The following SPART variants were observed in gnomAD, a reference collection of about 807,000 sequenced individuals.
SPART encodes spartin.
In SPART, 35 loss-of-function variants were observed where a neutral mutation model predicts 58.7. The ratio of observed to expected loss-of-function variants is 0.60; its 90% CI spans 0.46 to 0.79. The LOEUF is 0.79. SPART is among the 30% of genes least tolerant of loss of function. SPART has a pLI of 0.00. For synonymous variants in SPART, 284 were observed against 280.7 expected (o/e 1.01, Z -0.12); for missense variants, 730 against 786.1 (o/e 0.93, Z 0.85).
chr13:36,329,581 T>C, intron 3 of SPART, 64 bp from the exon 4 acceptor site: 1 of 1,498,162 alleles, frequency 6.7e-7, no homozygotes, highest in Admixed American at 1.7e-5. Context: ...TTCTGCCAGC[T>C]ATATTACACC....
At chr13:36,311,772 A>T (rs1566109638) in intron 8 of SPART, among the ~76,000 whole-genome samples, 1 of 152,190 alleles carries the variant, frequency 6.6e-6, no homozygotes, top group Non-Finnish European at 1.5e-5. Context: ...CTTGACCGTC[A>T]TGGGTTTTTA....
At chr13:36,368,072 T>G in intron 1 of SPART, 1 of 300,910 alleles carries the variant, frequency 3.3e-6, no homozygotes, top group Non-Finnish European at 6.8e-6. Context: ...TTGCCCCTAG[T>G]AAAATGATCA....
At chr13:36,365,551 C>T (rs3736919) in intron 1 of SPART, 233,733 of 452,150 alleles carry the variant, frequency 0.52, 63,046 homozygotes, top group East Asian at 0.81. Context: ...CTATAAACCG[C>T]CTATTGATAC....
At chr13:36,337,395 C>T (rs1174721049) in intron 1 of SPART, among the ~76,000 whole-genome samples, 2 of 152,060 alleles carry the variant, frequency 1.3e-5, no homozygotes, top group Admixed American at 1.3e-4. Context: ...ACCCATAATC[C>T]CCAGGTGTCA....
At chr13:36,366,293 C>T (rs1311595691) in intron 1 of SPART, among the ~76,000 whole-genome samples, 1 of 152,196 alleles carries the variant, frequency 6.6e-6, no homozygotes, top group African/African-American at 2.4e-5. Context: ...AGATTCATCT[C>T]AAATGTCAGA....
intron 1 of SPART, among the ~76,000 whole-genome samples, chr13:36,356,454 C>T (rs756662760): frequency 1.2e-4 from 18 of 152,204 alleles, no homozygotes; most frequent in Non-Finnish European, 2.6e-4. Flanking sequence ...CTGAAGGCTT[C>T]CTTTGCAAAT....
rs910857761 is a variant in SPART at position 36,331,742 on chromosome 13, A to G, written c.811-146T>C. The G allele has an allele frequency of 1.9e-5, 12 of 630,808 alleles. No homozygotes were observed. The African/African-American group carries it at 2.2e-4, about 12-fold the overall frequency. The allele number at this position is 630,808 out of a possible 1,614,324, so 39.1% of individuals were successfully genotyped here. On this transcript the variant is annotated intron_variant, in intron 2 of 8. Coordinates refer to ENST00000438666, the MANE Select transcript of SPART (RefSeq NM_015087.5). ...TTAAAAGGCTTTAAGAAACATCAACATCAACAAATCCCCAAGAAAATTAAT... is the reference window on the plus strand; with the variant it reads ...TTAAAAGGCTTTAAGAAACATCAACGTCAACAAATCCCCAAGAAAATTAAT...
At chr13:36,342,601 T>C (rs1357406570) in intron 1 of SPART, among the ~76,000 whole-genome samples, 1 of 152,172 alleles carries the variant, frequency 6.6e-6, no homozygotes, top group African/African-American at 2.4e-5. Context: ...TGGATGCCCA[T>C]AGCAGCACCA....
rs150163770 is a variant in SPART at position 36,304,571 on chromosome 13, C to T, written c.1795G>A (p.Val599Ile). ...HAVDSAVNVG[V>I]TAYNINNIGI... ...ATGTTGTTAATATTGTAGGCAGTTA[C>T]GCCAACATTGACCGCAGAATCCACC... Residue 599 changes from valine (V) to isoleucine (I), a missense_variant, in exon 9 of 9, where the codon GTA becomes ATA. Transcript: ENST00000438666. The T allele has an allele frequency of 1.8e-5, 29 of 1,613,932 alleles. No homozygotes were observed. The highest frequency in any genetic ancestry group is 1.0e-4 in the Admixed American group (6 of 59,998).
intron 5 of SPART, among the ~76,000 whole-genome samples, chr13:36,319,195 T>C (rs1262135985): frequency 1.4e-5 from 2 of 141,810 alleles, no homozygotes; most frequent in Admixed American, 1.5e-4. Context: ...ACCTGCCCAG[T>C]TCCCTTATTA....
At chr13:36,304,660 A>T (rs752109299) in intron 8 of SPART, 28 bp from the exon 9 acceptor site, 1 of 1,606,636 alleles carries the variant, frequency 6.2e-7, no homozygotes, top group Non-Finnish European at 8.5e-7. Flanking sequence ...GAGGACATAC[A>T]ATGAAACAAT....
At chr13:36,313,359 C>A (rs1881324048) in intron 6 of SPART, among the ~76,000 whole-genome samples, 1 of 152,182 alleles carries the variant, frequency 6.6e-6, no homozygotes, top group African/African-American at 2.4e-5. Flanking sequence ...GTCCCACTGC[C>A]TAGTAACACC....
At chr13:36,307,073 C>G (rs529512878) in intron 8 of SPART, among the ~76,000 whole-genome samples, 199 of 152,200 alleles carry the variant, frequency 1.3e-3, no homozygotes, top group Non-Finnish European at 2.4e-3. Context: ...ACTGTTTAGT[C>G]CTTTTCTTCA....
At chr13:36,368,484 G>T in intron 1 of SPART, 1 of 159,664 alleles carries the variant, frequency 6.3e-6, no homozygotes, top group Non-Finnish European at 1.4e-5. Flanking sequence ...ATAGAAAGCT[G>T]CCTTTCCTAG....
In SPART at chr13:36,316,334, T is replaced by A. The variant is rs568387250; in HGVS notation, c.1289-1913A>T. On this transcript the variant is annotated intron_variant, in intron 5 of 8. Coordinates refer to ENST00000438666, the MANE Select transcript of SPART (RefSeq NM_015087.5). ...ACGCCTGTAATCACAGTGTCAGGCCTCTGAGCCCAAGCCAAGCCATCGCAT... is the reference window on the plus strand; with the variant it reads ...ACGCCTGTAATCACAGTGTCAGGCCACTGAGCCCAAGCCAAGCCATCGCAT... 7.7e-4 allele frequency among the ~76,000 whole-genome samples: 118 copies of A among 152,358 alleles called. 1 individual carries two copies. The highest frequency in any genetic ancestry group is 2.5e-3 in the African/African-American group (104 of 41,586).
intron 1 of SPART, among the ~76,000 whole-genome samples, chr13:36,337,719 G>A (rs533148805): frequency 7.9e-5 from 12 of 152,232 alleles, no homozygotes; most frequent in African/African-American, 2.9e-4. Flanking sequence ...AGCCATCTTG[G>A]TTATCAGATC....
intron 1 of SPART, among the ~76,000 whole-genome samples, chr13:36,367,456 C>G (rs989221533): frequency 2.6e-5 from 4 of 152,168 alleles, no homozygotes; most frequent in African/African-American, 9.7e-5. Flanking sequence ...CCTCCAGCCT[C>G]TGCATATATA....
At chr13:36,327,930 G>GT (rs1466417873) in intron 4 of SPART, among the ~76,000 whole-genome samples, 2 of 152,156 alleles carry the variant, frequency 1.3e-5, no homozygotes, top group African/African-American at 4.8e-5. Flanking sequence ...GGAGGCGGAG[G>GT]TTGCAGTCAG....
chr13:36,329,399 T>C lies in SPART; in HGVS notation c.1127A>G (p.Asn376Ser), dbSNP rs368305530. The C allele has an allele frequency of 4.4e-5, 71 of 1,614,216 alleles. No individual in the cohort carries two copies. The Middle Eastern group carries it at 1.3e-3, about 30-fold the overall frequency. Reference sequence around the variant, plus strand: ...TTTTCCTTTATGACGTACATCCTTATTGCCTTGGTCCAACTGTTTCACATC... The same window carrying C: ...TTTTCCTTTATGACGTACATCCTTACTGCCTTGGTCCAACTGTTTCACATC... Reference protein sequence around the residue: ...GTDVKQLDQGNKDVRHKGKRG... With the variant: ...GTDVKQLDQGSKDVRHKGKRG... The change falls in exon 4 of 9, where the codon AAT becomes AGT. Residue 376 changes from asparagine (N) to serine (S), a missense_variant. By Grantham distance (46) the Asn-to-Ser change is conservative. Coordinates refer to ENST00000438666, the MANE Select transcript of SPART (RefSeq NM_015087.5).
Sources: gnomAD v4.1 joint callset for allele counts (sites outside exome capture counted in the v4.1 genomes callset) on GRCh38, gnomAD v4.1.1 for gene constraint, MANE v1.5 for transcripts, NCBI Gene and HGNC (gene_info 2026-07-23, HGNC 2026-07-21) for gene names.